COL1A2: variants seen among roughly 807,000 people sequenced by gnomAD.
COL1A2 encodes the protein collagen alpha-2(I) chain.
A neutral mutation model predicts 174.3 loss-of-function variants in COL1A2; 49 were observed. The ratio of observed to expected loss-of-function variants is 0.28; its 90% CI spans 0.22 to 0.36. COL1A2 has a LOEUF of 0.36. Among genes scored for constraint, COL1A2 ranks in the 10% least tolerant of loss-of-function variants. The probability of loss-of-function intolerance (pLI) is 1.00; values close to 1 mark genes in which losing one functional copy is unlikely to be tolerated. For missense variants in COL1A2, 1,438 were observed against 1,822.7 expected, an observed-to-expected ratio of 0.79 and a Z score of 3.84; for synonymous variants, 655 against 606.6, an observed-to-expected ratio of 1.08 and a Z score of -1.17.
intron 12 of COL1A2, among the ~76,000 whole-genome samples, chr7:94,407,153 G>A (rs1791819676): frequency 6.6e-6 from 1 of 152,124 alleles, no homozygotes; most frequent in Non-Finnish European, 1.5e-5. Flanking sequence ...CACACATCTA[G>A]AGGTTAGAAA....
Position 94,427,894 on chromosome 7 carries a change from AG to A in COL1A2, c.3526+10del. 6.2e-7 allele frequency: 1 copy of A among 1,613,892 alleles called. No individual in the cohort carries two copies. The highest frequency in any genetic ancestry group is 8.5e-7 in the Non-Finnish European group (1 of 1,179,906). ...CCCAGAGTGGAGCAGTGGTAGGTCA[AG>A]ATGTCCAGACCAGACTGACCCTTCT... On this transcript the variant is annotated intron_variant, in intron 49 of 51. Coordinates refer to ENST00000297268, the MANE Select transcript of COL1A2 (RefSeq NM_000089.4).
rs1370606142 is a variant in COL1A2, at chr7:94,399,982, T to A, written c.133-214T>A. 4.3e-6 allele frequency: 3 copies of A among 694,148 alleles called. No homozygotes were observed. In the African/African-American group the frequency reaches 5.3e-5, roughly 12 times the overall value. The allele number at this position is 694,148 out of a possible 1,614,324, so 43.0% of individuals were successfully genotyped here. A position where few individuals can be genotyped will look rare whatever the true frequency, so the allele number is the denominator to read the frequency against. The stretch of plus-strand genomic sequence containing the variant: ...ATTAATATTCAATGGCCGAGATAGT[T>A]CTTTAGGAAAACTACCCTGTGATAT... On this transcript the variant is annotated intron_variant, in intron 4 of 51. Transcript: ENST00000297268.
At chr7:94,411,822 C>A (rs1562901978) in intron 23 of COL1A2, among the ~76,000 whole-genome samples, 1 of 152,096 alleles carries the variant, frequency 6.6e-6, no homozygotes, top group African/African-American at 2.4e-5. Flanking sequence ...TTAACAGTTT[C>A]TTGAGATATC....
chr7:94,418,928 A>G (rs2115925804), intron 33 of COL1A2, among the ~76,000 whole-genome samples: 1 of 151,516 alleles, frequency 6.6e-6, no homozygotes, highest in South Asian at 2.1e-4. Flanking sequence ...ACCTCTAACA[A>G]GATTCTATAG....
At chr7:94,429,098 CT>C (rs11374490) in intron 50 of COL1A2, 89 bp from the exon 51 acceptor site, 50 of 926,908 alleles carry the variant, frequency 5.4e-5, no homozygotes, top group South Asian at 6.4e-5. Flanking sequence ...TTCCTGAGAT[CT>C]TTTTTTTTCT....
intron 32 of COL1A2, 132 bp downstream of exon 32, chr7:94,417,963 C>T (rs563715251): frequency 1.4e-5 from 11 of 760,416 alleles, no homozygotes; most frequent in Non-Finnish European, 2.5e-5. Flanking sequence ...ACATTTCCCT[C>T]TGCCACCTAG....
At chr7:94,417,969 C>T (rs1562904241) in intron 32 of COL1A2, 138 bp downstream of exon 32, 1 of 734,618 alleles carries the variant, frequency 1.4e-6, no homozygotes, top group Non-Finnish European at 2.4e-6. Flanking sequence ...CCCTCTGCCA[C>T]CTAGCACCTA....
intron 6 of COL1A2, among the ~76,000 whole-genome samples, chr7:94,401,988 C>A (rs562304207): frequency 3.3e-5 from 5 of 152,134 alleles, no homozygotes; most frequent in Middle Eastern, 3.4e-3. Flanking sequence ...TTTAACATTG[C>A]TTAGAATTTT....
At position 94,408,133 on chromosome 7, in the gene COL1A2, T is replaced by C. The variant is rs199596401; in HGVS notation, c.640-50T>C. ...GAACAAAGCAAATGATGCCTGTGACTTTTTTTAAATTAGCATTCTGGATTT... is the reference window on the plus strand; with the variant it reads ...GAACAAAGCAAATGATGCCTGTGACCTTTTTTAAATTAGCATTCTGGATTT... On this transcript the variant is annotated intron_variant, in intron 13 of 51. Coordinates refer to ENST00000297268, the MANE Select transcript of COL1A2 (RefSeq NM_000089.4). 4 of 1,591,386 alleles carry C rather than the reference T, an allele frequency of 2.5e-6. No homozygotes were observed. The South Asian group carries it at 4.5e-5, about 18-fold the overall frequency.
chr7:94,410,846 A>C, intron 21 of COL1A2, 43 bp from the exon 22 acceptor site: 14 of 1,599,766 alleles, frequency 8.8e-6, no homozygotes, highest in African/African-American at 1.3e-5. Context: ...ATCAAAGCCA[A>C]GAGATTTCTT....
At position 94,424,450 on chromosome 7, in the gene COL1A2, G is replaced by T. The variant is rs368844122; in HGVS notation, c.2673+7G>T. 1.2e-6 allele frequency: 2 copies of T among 1,611,838 alleles called. No homozygotes were observed. Among genetic ancestry groups the T allele is most frequent in the African/African-American group, 2.7e-5 (2 of 74,858 alleles). On this transcript the variant is annotated splice_region_variant and intron_variant, in intron 41 of 51. Transcript: ENST00000297268. Reference sequence around the variant, plus strand: ...AGGTGTTGCTGGTGCTGTGGTGAGTGCTTGACAGTATTCTGACTCCATTAA... The same window carrying T: ...AGGTGTTGCTGGTGCTGTGGTGAGTTCTTGACAGTATTCTGACTCCATTAA...
chr7:94,417,390 C>T (rs572958768), intron 31 of COL1A2: 34 of 354,950 alleles, frequency 9.6e-5, no homozygotes, highest in South Asian at 8.4e-4. Flanking sequence ...AGAGACTTAT[C>T]CTTGAAAAAT....
chr7:94,417,648 TG>T, intron 31 of COL1A2, 75 bp from the exon 32 acceptor site: 1 of 1,283,642 alleles, frequency 7.8e-7, no homozygotes, highest in African/African-American at 1.5e-5. Context: ...CTGTTTAAAT[TG>T]GAATTCTTCT....
chr7:94,397,476 T>A (rs1791606472), intron 1 of COL1A2, among the ~76,000 whole-genome samples: 2 of 152,144 alleles, frequency 1.3e-5, no homozygotes, highest in Admixed American at 1.3e-4. Flanking sequence ...CACATTAATA[T>A]TTCACAACAG....
chr7:94,430,650 C>A lies in COL1A2; in HGVS notation c.*257C>A. On this transcript the variant is annotated 3_prime_UTR_variant, in exon 52 of 52. Transcript: ENST00000297268. ...TTACACCTGTTATGGAAAATGTCAA[C>A]CTTTGTAAGAAAACCAAAATAAAAA... The A allele has an allele frequency of 2.3e-6, 1 of 433,502 alleles. No homozygotes were observed. Among genetic ancestry groups the A allele is most frequent in the Non-Finnish European group, 4.1e-6 (1 of 244,806 alleles). 26.9% of individuals were successfully genotyped at this position (433,502 alleles called of 1,614,324 possible).
rs401700 is a variant in COL1A2, at chr7:94,427,247, A to C, written c.3219A>C (p.Thr1073=). 1 of 1,613,978 alleles carries C rather than the reference A, an allele frequency of 6.2e-7. No homozygotes were observed. The highest frequency in any genetic ancestry group is 8.5e-7 in the Non-Finnish European group (1 of 1,179,970). ...ATGGTCGCACTGGACATCCTGGTAC[A>C]GTTGGACCTGCTGGCATTCGAGGCC... ...GKDGRTGHPG[T]VGPAGIRGPQ... The change falls in exon 48 of 52, where the codon ACA becomes ACC. Residue 1073 remains threonine, a synonymous_variant. Coordinates refer to ENST00000297268, the MANE Select transcript of COL1A2 (RefSeq NM_000089.4).
Position 94,421,205 on chromosome 7 carries a change from G to A in COL1A2, c.2349+143G>A, listed in dbSNP as rs546069034. On this transcript the variant is annotated intron_variant, in intron 38 of 51. Transcript: ENST00000297268. ...AGTTCATTCTATTCAGAGCAATTCC[G>A]ATATTGATGTTAACTTGAACTCAGC... The A allele has an allele frequency of 4.7e-4, 376 of 805,526 alleles. 1 individual carries two copies. In the South Asian group the frequency reaches 5.0e-3, roughly 11 times the overall value. 49.9% of individuals were successfully genotyped at this position (805,526 alleles called of 1,614,324 possible).
chr7:94,396,831 G>A (rs1281023472), intron 1 of COL1A2, among the ~76,000 whole-genome samples: 1 of 152,010 alleles, frequency 6.6e-6, no homozygotes, highest in African/African-American at 2.4e-5. Flanking sequence ...TTCAAATAAC[G>A]CACTTCTTGG....
At chr7:94,421,573 A>G (rs1332160355) in intron 38 of COL1A2, among the ~76,000 whole-genome samples, 1 of 152,216 alleles carries the variant, frequency 6.6e-6, no homozygotes, top group African/African-American at 2.4e-5. Context: ...TAATGTATAC[A>G]CATTAATGTG....
Sources: gnomAD v4.1 joint callset for allele counts (sites outside exome capture counted in the v4.1 genomes callset) on GRCh38, gnomAD v4.1.1 for gene constraint, MANE v1.5 for transcripts, NCBI Gene and HGNC (gene_info 2026-07-23, HGNC 2026-07-21) for gene names.